PTCHD1: variants seen among roughly 807,000 people sequenced by gnomAD.
PTCHD1 encodes patched domain containing 1.
Under a neutral mutation model 34.6 loss-of-function variants are expected in PTCHD1, and 3 were observed. The observed-to-expected ratio is 0.09, with a 90% confidence interval of 0.04 to 0.22. The LOEUF (loss-of-function observed/expected upper bound fraction) is 0.22. Among genes scored for constraint, PTCHD1 ranks in the 10% least tolerant of loss-of-function variants. The probability of loss-of-function intolerance (pLI) is 1.00; values close to 1 mark genes in which losing one functional copy is unlikely to be tolerated. For missense variants in PTCHD1, 504 were observed against 685.5 expected (o/e 0.74, Z 2.96); for synonymous variants, 305 against 283.1 (o/e 1.08, Z -0.77).
Position 23,392,455 on chromosome X carries a change from C to T in PTCHD1, c.1013-76C>T, listed in dbSNP as rs182265115. On this transcript the variant is annotated intron_variant, in intron 2 of 2. Transcript: ENST00000379361. ...TACGTTTCCTTTGACCCAGTAGTCC[C>T]TCATAATCAAGTTGATTTCCCTCTT... The T allele has an allele frequency of 4.9e-4, 338 of 687,147 alleles. 3 individuals are homozygous for T. In the East Asian group the frequency reaches 0.011, roughly 22 times the overall value. 56.6% of individuals were successfully genotyped at this position (687,147 alleles called of 1,213,427 possible).
chrX:23,356,025 T>A (rs756562633), intron 1 of PTCHD1, among the ~76,000 whole-genome samples: 1 of 112,388 alleles, frequency 8.9e-6, no homozygotes, highest in South Asian at 3.7e-4. Context: ...TCTTGTTTGT[T>A]TGCTTTTTTG....
At chrX:23,344,696 G>A (rs965266987) in intron 1 of PTCHD1, among the ~76,000 whole-genome samples, 1 of 111,675 alleles carries the variant, frequency 9.0e-6, no homozygotes, top group Non-Finnish European at 1.9e-5. Flanking sequence ...GCACACCAAC[G>A]TGGTTCCTCT....
At chrX:23,357,476 A>G (rs1394742092) in intron 1 of PTCHD1, among the ~76,000 whole-genome samples, 1 of 111,025 alleles carries the variant, frequency 9.0e-6, no homozygotes, top group Non-Finnish European at 1.9e-5. Context: ...GAAACAAACT[A>G]AATATATGCC....
chrX:23,391,255 T>A, intron 2 of PTCHD1, among the ~76,000 whole-genome samples: 2 of 111,556 alleles, frequency 1.8e-5, no homozygotes, highest in Non-Finnish European at 3.8e-5. Flanking sequence ...GGGTTACTGA[T>A]CTGGCTCTTT....
chrX:23,363,976 G>A (rs756004727), intron 1 of PTCHD1, among the ~76,000 whole-genome samples: 2 of 112,409 alleles, frequency 1.8e-5, no homozygotes, highest in African/African-American at 6.5e-5. Flanking sequence ...GAATGGAAAA[G>A]TAAATTGTGG....
chrX:23,342,092 A>T (rs1301225580), intron 1 of PTCHD1, among the ~76,000 whole-genome samples: 3 of 107,971 alleles, frequency 2.8e-5, no homozygotes, highest in African/African-American at 9.9e-5. Context: ...ACTGTGGGCA[A>T]CTGGGGCTCA....
chrX:23,342,265 C>CATATATATATATATATAT (rs1921328923), intron 1 of PTCHD1, among the ~76,000 whole-genome samples: 3 of 57,491 alleles, frequency 5.2e-5, no homozygotes, highest in Non-Finnish European at 8.8e-5. Flanking sequence ...TGTGTTTCTC[C>CATATATATATATATATAT]CTATATATAT....
intron 1 of PTCHD1, among the ~76,000 whole-genome samples, chrX:23,363,690 C>A (rs1922056305): frequency 8.9e-6 from 1 of 112,706 alleles, no homozygotes; most frequent in Non-Finnish European, 1.9e-5. Context: ...GTGAGATGAA[C>A]CAGCTACCTC....
At chrX:23,340,709 TCTC>T (rs1017609851) in intron 1 of PTCHD1, among the ~76,000 whole-genome samples, 1 of 112,280 alleles carries the variant, frequency 8.9e-6, no homozygotes, top group Non-Finnish European at 1.9e-5. Context: ...TTAAAGGTCA[TCTC>T]CACAGAGGCT....
At chrX:23,361,599 A>G (rs984058915) in intron 1 of PTCHD1, among the ~76,000 whole-genome samples, 1 of 111,510 alleles carries the variant, frequency 9.0e-6, no homozygotes, top group African/African-American at 3.3e-5. Context: ...TTGAGTCTTT[A>G]TCCGATTTGC....
intron 2 of PTCHD1, among the ~76,000 whole-genome samples, chrX:23,389,845 A>C (rs1341442609): frequency 8.9e-6 from 1 of 112,074 alleles, no homozygotes; most frequent in Non-Finnish European, 1.9e-5. Flanking sequence ...TAAAAGATCA[A>C]ACTATAGAAG....
At chrX:23,389,697 C>A (rs1922780469) in intron 2 of PTCHD1, among the ~76,000 whole-genome samples, 1 of 111,648 alleles carries the variant, frequency 9.0e-6, no homozygotes, top group South Asian at 3.8e-4. Context: ...CTGTGAGTGG[C>A]TGCATGTACA....
chrX:23,386,818 T>A (rs376599752), intron 2 of PTCHD1, among the ~76,000 whole-genome samples: 1 of 112,881 alleles, frequency 8.9e-6, no homozygotes, highest in East Asian at 2.8e-4. Flanking sequence ...AACAGCTTCA[T>A]TGACTCATGA....
intron 1 of PTCHD1, among the ~76,000 whole-genome samples, chrX:23,371,967 G>T (rs1922289036): frequency 1.8e-5 from 2 of 111,185 alleles, no homozygotes; most frequent in South Asian, 7.7e-4. Flanking sequence ...TTATATTCAT[G>T]TGTTTACTTC....
intron 1 of PTCHD1, 65 bp from the exon 2 acceptor site, chrX:23,379,526 C>T (rs1404361768): frequency 9.0e-7 from 1 of 1,107,899 alleles, no homozygotes; most frequent in Non-Finnish European, 1.2e-6. Context: ...GGAATGTCCA[C>T]CCTCTCCAAA....
intron 1 of PTCHD1, chrX:23,351,191 T>C (rs1921624076): frequency 8.8e-6 from 6 of 681,728 alleles, no homozygotes; most frequent in Middle Eastern, 4.1e-4. Flanking sequence ...GTTGCTCAGA[T>C]TGGAATTTCG....
Position 23,358,256 on chromosome X carries a change from C to T in PTCHD1, c.352-21335C>T, listed in dbSNP as rs1417974458. Reference sequence around the variant, plus strand: ...CACACTGACTTCCACAATGATTGAACTAGTTTACACTCCCACCAACAGTGT... The same window carrying T: ...CACACTGACTTCCACAATGATTGAATTAGTTTACACTCCCACCAACAGTGT... On this transcript the variant is annotated intron_variant, in intron 1 of 2. Coordinates refer to ENST00000379361, the MANE Select transcript of PTCHD1 (RefSeq NM_173495.3). Among the ~76,000 whole-genome samples, 9 of 112,209 alleles carry T rather than the reference C, an allele frequency of 8.0e-5. 2 individuals carry two copies. Among genetic ancestry groups the T allele is most frequent in the Admixed American group, 7.5e-4 (8 of 10,638 alleles).
chrX:23,381,989 C>T (rs1159255626), intron 2 of PTCHD1, among the ~76,000 whole-genome samples: 4 of 111,293 alleles, frequency 3.6e-5, no homozygotes, highest in Non-Finnish European at 5.7e-5. Flanking sequence ...TTGGGGGTTA[C>T]GGGAAGGGTT....
chrX:23,345,670 G>A (rs746961993), intron 1 of PTCHD1, among the ~76,000 whole-genome samples: 1 of 111,371 alleles, frequency 9.0e-6, no homozygotes, highest in African/African-American at 3.3e-5. Flanking sequence ...AGGTGATGCT[G>A]TTCTTGCTGG....
Sources: gnomAD v4.1 joint callset for allele counts (sites outside exome capture counted in the v4.1 genomes callset) on GRCh38, gnomAD v4.1.1 for gene constraint, MANE v1.5 for transcripts, NCBI Gene and HGNC (gene_info 2026-07-23, HGNC 2026-07-21) for gene names.